FSTL4: variants seen among roughly 807,000 people sequenced by gnomAD.
The protein encoded by FSTL4 is follistatin like 4, also known as follistatin-related protein 4.
FSTL4 carries 28 observed loss-of-function variants against 78.2 expected under a neutral mutation model. That is an observed-to-expected ratio of 0.36 (90% CI 0.27 to 0.49). The LOEUF (loss-of-function observed/expected upper bound fraction) is 0.49. FSTL4 is among the 20% of genes least tolerant of loss of function. The pLI, the probability that FSTL4 is intolerant of heterozygous loss-of-function variation, is 0.98. For synonymous variants in FSTL4, 422 were observed against 440.5 expected (o/e 0.96, Z 0.53); for missense variants, 922 against 1,084.9 (o/e 0.85, Z 2.11).
intron 2 of FSTL4, among the ~76,000 whole-genome samples, chr5:133,592,169 T>A (rs955344833): frequency 2.6e-5 from 4 of 151,998 alleles, no homozygotes; most frequent in Admixed American, 1.3e-4. Flanking sequence ...AATCCCACCT[T>A]CCACCCAGCG....
At chr5:133,718,218 G>A in the FSTL4 span, among the ~76,000 whole-genome samples, 4 of 151,816 alleles carry the variant, frequency 2.6e-5, no homozygotes, top group African/African-American at 4.8e-5. Flanking sequence ...TCAGCCTCCC[G>A]AGTGGTGTGT....
intron 3 of FSTL4, among the ~76,000 whole-genome samples, chr5:133,539,425 G>T (rs1279487340): frequency 6.6e-6 from 1 of 152,106 alleles, no homozygotes; most frequent in African/African-American, 2.4e-5. Flanking sequence ...CTAGGATTCA[G>T]CTCCTCGCAC....
At chr5:133,432,674 C>G (rs2126997078) in intron 3 of FSTL4, among the ~76,000 whole-genome samples, 1 of 152,278 alleles carries the variant, frequency 6.6e-6, no homozygotes, top group South Asian at 2.1e-4. Context: ...ACCAAATAGG[C>G]AGAAATCTGC....
chr5:133,746,312 C>T, the FSTL4 span, among the ~76,000 whole-genome samples: 13 of 152,150 alleles, frequency 8.5e-5, no homozygotes, highest in Non-Finnish European at 1.5e-4. Flanking sequence ...TCTTTTTTAG[C>T]CTAGTGGAGA....
intron 4 of FSTL4, among the ~76,000 whole-genome samples, chr5:133,331,825 C>A (rs1267284435): frequency 6.6e-6 from 1 of 152,170 alleles, no homozygotes; most frequent in Non-Finnish European, 1.5e-5. Context: ...AGGGCTTGAG[C>A]CTCTGGGAGG....
At chr5:133,221,100 T>G in intron 11 of FSTL4, 1 of 610,330 alleles carries the variant, frequency 1.6e-6, no homozygotes, top group South Asian at 1.8e-5. Context: ...TACGTACAGC[T>G]GCCCTAAGTC....
the FSTL4 span, among the ~76,000 whole-genome samples, chr5:133,779,942 G>T: frequency 6.6e-6 from 1 of 152,184 alleles, no homozygotes; most frequent in Non-Finnish European, 1.5e-5. Flanking sequence ...GATCAGGAGG[G>T]GAAGGAGGCC....
At chr5:133,650,204 C>T in the FSTL4 span, among the ~76,000 whole-genome samples, 1 of 98,530 alleles carries the variant, frequency 1.0e-5, no homozygotes, top group Non-Finnish European at 2.3e-5. Flanking sequence ...GAAGGATTCA[C>T]CCCCATGACC....
At chr5:133,390,476 G>A (rs988708073) in intron 4 of FSTL4, among the ~76,000 whole-genome samples, 4 of 152,228 alleles carry the variant, frequency 2.6e-5, no homozygotes, top group Non-Finnish European at 4.4e-5. Context: ...TGGCCCTCAT[G>A]AGGCACCCAG....
chr5:133,626,815 T>C, the FSTL4 span, among the ~76,000 whole-genome samples: 2 of 152,162 alleles, frequency 1.3e-5, no homozygotes, highest in Non-Finnish European at 2.9e-5. Context: ...TATGGTCTAT[T>C]TTGTTACATG....
intron 3 of FSTL4, among the ~76,000 whole-genome samples, chr5:133,496,911 C>T (rs532657653): frequency 1.3e-5 from 2 of 152,140 alleles, no homozygotes; most frequent in African/African-American, 4.8e-5. Context: ...AGCCCTGACT[C>T]CCCCTTACTG....
chr5:133,458,170 G>A (rs1010715451), intron 3 of FSTL4: 14 of 152,198 alleles, frequency 9.2e-5, no homozygotes, highest in Admixed American at 7.9e-4. Flanking sequence ...TTGTCTTCCA[G>A]CAGATTACAC....
intron 4 of FSTL4, among the ~76,000 whole-genome samples, chr5:133,331,844 A>G (rs1754355057): frequency 6.6e-6 from 1 of 152,156 alleles, no homozygotes; most frequent in Admixed American, 6.5e-5. Flanking sequence ...GGAGAGTGAG[A>G]AGGCTCTCCT....
chr5:133,532,523 G>A (rs184927114), intron 3 of FSTL4, among the ~76,000 whole-genome samples: 1 of 152,194 alleles, frequency 6.6e-6, no homozygotes, highest in East Asian at 1.9e-4. Context: ...GTTAACCCAG[G>A]ACACTGGTTA....
At chr5:133,698,178 C>T in the FSTL4 span, among the ~76,000 whole-genome samples, 22 of 152,230 alleles carry the variant, frequency 1.4e-4, no homozygotes, top group Admixed American at 7.8e-4. Flanking sequence ...TAACAACCCA[C>T]ACCCTGCTCG....
chr5:133,505,359 C>T (rs942107946), intron 3 of FSTL4, among the ~76,000 whole-genome samples: 7 of 152,206 alleles, frequency 4.6e-5, no homozygotes, highest in African/African-American at 1.7e-4. Flanking sequence ...CTTCTCCATT[C>T]TCCAGTCATC....
the FSTL4 span, among the ~76,000 whole-genome samples, chr5:133,818,689 T>C: frequency 6.6e-6 from 1 of 151,388 alleles, no homozygotes; most frequent in East Asian, 2.0e-4. Flanking sequence ...TGCAAGCACT[T>C]TCCACCAATT....
At chr5:133,759,812 A>C in the FSTL4 span, among the ~76,000 whole-genome samples, 1 of 152,248 alleles carries the variant, frequency 6.6e-6, no homozygotes, top group South Asian at 2.1e-4. Flanking sequence ...CCGTTTCAAC[A>C]CTAAATGATT....
At chr5:133,388,203 C>T (rs988129958) in intron 4 of FSTL4, among the ~76,000 whole-genome samples, 1 of 152,216 alleles carries the variant, frequency 6.6e-6, no homozygotes, top group African/African-American at 2.4e-5. Context: ...TCCTCTTTGT[C>T]AGATTCTCTG....
Sources: allele counts gnomAD v4.1 joint callset (sites outside exome capture counted in the v4.1 genomes callset), GRCh38; gene constraint gnomAD v4.1.1; transcripts MANE v1.5; gene names NCBI Gene and HGNC (gene_info 2026-07-23, HGNC 2026-07-21).